The following GRIK1 variants were observed in gnomAD, a reference collection of about 807,000 sequenced individuals.
The protein encoded by GRIK1 is glutamate receptor ionotropic, kainate 1.
In GRIK1, 69 loss-of-function variants were observed where a neutral mutation model predicts 105.7. The ratio of observed to expected loss-of-function variants is 0.65; its 90% CI spans 0.54 to 0.80. The LOEUF (loss-of-function observed/expected upper bound fraction) is 0.80, where lower values mean the gene tolerates loss of function less well. Ranked by LOEUF, GRIK1 falls within the 30% of genes least tolerant of loss-of-function variation. The probability of loss-of-function intolerance (pLI) is 0.00; values close to 1 mark genes in which losing one functional copy is unlikely to be tolerated. For synonymous variants in GRIK1, 438 were observed against 431.3 expected (o/e 1.02, Z -0.19); for missense variants, 1,109 against 1,167.3 (o/e 0.95, Z 0.73).
intron 1 of GRIK1, among the ~76,000 whole-genome samples, chr21:29,882,946 A>C (rs1331296335): frequency 1.3e-5 from 2 of 152,012 alleles, no homozygotes; most frequent in Admixed American, 1.3e-4. Context: ...ATGTCTAATT[A>C]CTTTTTCTTT....
chr21:29,812,588 A>G (rs184106350), intron 1 of GRIK1, among the ~76,000 whole-genome samples: 88 of 152,306 alleles, frequency 5.8e-4, no homozygotes, highest in Middle Eastern at 3.4e-3. Flanking sequence ...TCAGGGTTCC[A>G]AACTTGTGTT....
chr21:29,645,968 G>A (rs2062608684), intron 6 of GRIK1, among the ~76,000 whole-genome samples: 1 of 152,152 alleles, frequency 6.6e-6, no homozygotes, highest in Admixed American at 6.5e-5. Context: ...AACTCACTAG[G>A]CTTAGGGTAC....
intron 1 of GRIK1, among the ~76,000 whole-genome samples, chr21:29,936,369 A>AGACC (rs2071755793): frequency 6.6e-6 from 1 of 152,210 alleles, no homozygotes; most frequent in Non-Finnish European, 1.5e-5. Context: ...GGCCACGTCT[A>AGACC]CTAAGTTTAC....
At chr21:29,567,425 A>G (rs1204382783) in intron 14 of GRIK1, among the ~76,000 whole-genome samples, 1 of 152,178 alleles carries the variant, frequency 6.6e-6, no homozygotes, top group Non-Finnish European at 1.5e-5. Flanking sequence ...TAGAATCAGT[A>G]ATCATGCAAT....
intron 1 of GRIK1, among the ~76,000 whole-genome samples, chr21:29,780,103 A>T (rs2066053809): frequency 6.6e-6 from 1 of 152,154 alleles, no homozygotes; most frequent in Admixed American, 6.5e-5. Flanking sequence ...AATAGATACT[A>T]CCTCTTAATT....
In GRIK1 at chr21:29,690,865, G is replaced by A. The variant is rs544817968; in HGVS notation, c.287-880C>T. 2.6e-5 allele frequency among the ~76,000 whole-genome samples: 4 copies of A among 152,148 alleles called. No homozygotes were observed. The East Asian group carries it at 7.7e-4, about 29-fold the overall frequency. ...TGGAATAATATCTATTAATATTTGG[G>A]AAAATTAGAATCATTATATAAATAC... On this transcript the variant is annotated intron_variant, in intron 2 of 17. Coordinates refer to ENST00000327783, the MANE Select transcript of GRIK1 (RefSeq NM_001330994.2).
At chr21:29,632,075 T>C (rs2062288204) in intron 7 of GRIK1, among the ~76,000 whole-genome samples, 1 of 152,240 alleles carries the variant, frequency 6.6e-6, no homozygotes, top group Admixed American at 6.5e-5. Context: ...TCCCTCTACT[T>C]GGATCTTTCA....
At chr21:29,830,314 C>CACACACACAA in intron 1 of GRIK1, among the ~76,000 whole-genome samples, 2 of 34,200 alleles carry the variant, frequency 5.8e-5, no homozygotes, top group East Asian at 1.1e-3. Flanking sequence ...TCCCCACACA[C>CACACACACAA]ACACACACAC....
chr21:29,590,102 TA>T (rs1255514173), intron 10 of GRIK1, among the ~76,000 whole-genome samples: 2 of 152,206 alleles, frequency 1.3e-5, no homozygotes, highest in Non-Finnish European at 2.9e-5. Flanking sequence ...TTTGGTTTTA[TA>T]AAATATAATA....
intron 16 of GRIK1, among the ~76,000 whole-genome samples, chr21:29,538,191 C>T (rs2089912839): frequency 6.6e-6 from 1 of 152,112 alleles, no homozygotes; most frequent in Admixed American, 6.5e-5. Context: ...CAAGATAAGA[C>T]CTTTGAGTGA....
At chr21:29,587,281 T>C (rs1217444239) in intron 12 of GRIK1, 85 bp downstream of exon 12, 2 of 765,108 alleles carry the variant, frequency 2.6e-6, no homozygotes, top group African/African-American at 1.8e-5. Context: ...CACTTTAAAG[T>C]TCCTAATTTT....
intron 1 of GRIK1, among the ~76,000 whole-genome samples, chr21:29,711,596 C>T (rs1181395521): frequency 6.6e-6 from 1 of 151,958 alleles, no homozygotes; most frequent in African/African-American, 2.4e-5. Flanking sequence ...TGGGTCTCTG[C>T]TTCCATGCAA....
chr21:29,561,951 C>A, intron 14 of GRIK1, 102 bp from the exon 15 acceptor site: 1 of 696,210 alleles, frequency 1.4e-6, no homozygotes, highest in Non-Finnish European at 2.6e-6. Context: ...AGGGAGGATA[C>A]TTTCTCCACA....
intron 3 of GRIK1, among the ~76,000 whole-genome samples, chr21:29,677,469 A>G (rs1022990317): frequency 6.6e-6 from 1 of 152,198 alleles, no homozygotes; most frequent in African/African-American, 2.4e-5. Flanking sequence ...GGCCAATTCT[A>G]AACACTTGCT....
chr21:29,870,524 A>G (rs1179917301), intron 1 of GRIK1, among the ~76,000 whole-genome samples: 1 of 151,374 alleles, frequency 6.6e-6, no homozygotes, highest in East Asian at 1.9e-4. Context: ...TAAATAATAC[A>G]TATAACATAT....
At chr21:29,753,179 T>A (rs1381295315) in intron 1 of GRIK1, among the ~76,000 whole-genome samples, 1 of 152,250 alleles carries the variant, frequency 6.6e-6, no homozygotes, top group Non-Finnish European at 1.5e-5. Flanking sequence ...TAATAACAAT[T>A]ATTAATAGTT....
chr21:29,571,122 C>T (rs1052749334), intron 14 of GRIK1, among the ~76,000 whole-genome samples: 6 of 151,980 alleles, frequency 3.9e-5, no homozygotes, highest in East Asian at 1.9e-4. Flanking sequence ...GAGGCTGAGG[C>T]GGGTGGATCA....
intron 1 of GRIK1, among the ~76,000 whole-genome samples, chr21:29,911,616 G>T (rs2070819683): frequency 6.6e-6 from 1 of 152,098 alleles, no homozygotes. Flanking sequence ...GATGGTACTG[G>T]TAGGCGGGGC....
At chr21:29,541,244 G>T (rs554053543) in intron 16 of GRIK1, among the ~76,000 whole-genome samples, 1 of 152,320 alleles carries the variant, frequency 6.6e-6, no homozygotes, top group African/African-American at 2.4e-5. Flanking sequence ...GGGATTACAG[G>T]CGTAAGCCAC....
Sources: allele counts gnomAD v4.1 joint callset (sites outside exome capture counted in the v4.1 genomes callset), GRCh38; gene constraint gnomAD v4.1.1; transcripts MANE v1.5; gene names NCBI Gene and HGNC (gene_info 2026-07-23, HGNC 2026-07-21).